REC114: variants seen among roughly 807,000 people sequenced by gnomAD.
REC114 encodes the protein REC114 meiotic recombination protein, also known as meiotic recombination protein REC114.
Under a neutral mutation model 31.3 loss-of-function variants are expected in REC114, and 27 were observed. That is an observed-to-expected ratio of 0.86 (90% CI 0.64 to 1.19). REC114 has a LOEUF of 1.19. Ranked by LOEUF, REC114 falls within the 50% of genes most tolerant of loss-of-function variation. The pLI is 0.00. For missense variants in REC114, 344 were observed against 326.9 expected, an observed-to-expected ratio of 1.05 and a Z score of -0.40; for synonymous variants, 134 against 127.7, an observed-to-expected ratio of 1.05 and a Z score of -0.33.
chr15:73,551,267 A>G lies in REC114; in HGVS notation c.546+117A>G, dbSNP rs1047540199. 3.8e-5 allele frequency: 39 copies of G among 1,027,054 alleles called. No homozygotes were observed. In the East Asian group the frequency reaches 1.0e-3, roughly 27 times the overall value. 63.6% of individuals were successfully genotyped at this position (1,027,054 alleles called of 1,614,324 possible). A position where few individuals can be genotyped will look rare whatever the true frequency, so the allele number is the denominator to read the frequency against. The stretch of plus-strand genomic sequence containing the variant: ...TAGGTTTGTAGTTTAAAAAACATCT[A>G]TGTTCGGTGACTTTTTAAAATTGAG... On this transcript the variant is annotated intron_variant, in intron 4 of 5. Transcript: ENST00000331090.
chr15:73,474,110 G>A lies in REC114; in HGVS notation c.249+189G>A, dbSNP rs1342941019. On this transcript the variant is annotated intron_variant, in intron 2 of 5. Coordinates refer to ENST00000331090, the MANE Select transcript of REC114 (RefSeq NM_001042367.2). ...TACTGAATATTGCCTGCCCTAAAGGGGTTTAGGATTTTGTTGGGAGTCAGA... is the reference window on the plus strand; with the variant it reads ...TACTGAATATTGCCTGCCCTAAAGGAGTTTAGGATTTTGTTGGGAGTCAGA... Among the ~76,000 whole-genome samples, 5 of 152,150 alleles carry A rather than the reference G, an allele frequency of 3.3e-5. No individual in the cohort carries two copies. In the East Asian group the frequency reaches 9.6e-4, roughly 29 times the overall value.
At chr15:73,505,702 T>C (rs1052472496) in intron 2 of REC114, among the ~76,000 whole-genome samples, 2 of 152,144 alleles carry the variant, frequency 1.3e-5, no homozygotes, top group Admixed American at 1.3e-4. Context: ...CGGCTAATTT[T>C]TTGTATGTTT....
intron 2 of REC114, among the ~76,000 whole-genome samples, chr15:73,537,884 C>T (rs1255836063): frequency 6.6e-6 from 1 of 152,096 alleles, no homozygotes; most frequent in African/African-American, 2.4e-5. Flanking sequence ...GTGTATTAGT[C>T]CTCTAGTTCT....
Position 73,550,957 on chromosome 15 carries a change from G to C in REC114, c.353G>C (p.Arg118Pro). Residue 118 changes from arginine to proline, a missense_variant, in exon 4 of 6, where the codon CGA becomes CCA. By Grantham distance (103) the Arg-to-Pro change is moderately radical (BLOSUM62 -2). Coordinates refer to ENST00000331090, the MANE Select transcript of REC114 (RefSeq NM_001042367.2). ...AAACAGGACAAGAGTCGCCTGTTTCGAGTACAGTTCAGTGGAGAGTCAAAG... is the reference window on the plus strand; with the variant it reads ...AAACAGGACAAGAGTCGCCTGTTTCCAGTACAGTTCAGTGGAGAGTCAAAG... ...TTIKDKSRLF[R>P]VQFSGESKEQ... The C allele has an allele frequency of 6.2e-7, 1 of 1,613,804 alleles. No homozygotes were observed. Among genetic ancestry groups the C allele is most frequent in the Non-Finnish European group, 8.5e-7 (1 of 1,179,812 alleles).
chr15:73,547,531 A>G (rs1451823899), intron 3 of REC114, among the ~76,000 whole-genome samples: 2 of 152,200 alleles, frequency 1.3e-5, no homozygotes, highest in East Asian at 3.8e-4. Flanking sequence ...TGATCCAGCA[A>G]TACTACTGCT....
At chr15:73,486,331 C>T (rs1024447987) in intron 2 of REC114, among the ~76,000 whole-genome samples, 11 of 152,066 alleles carry the variant, frequency 7.2e-5, no homozygotes, top group East Asian at 5.8e-4. Context: ...CTCCTGACCG[C>T]GTGATCTGCC....
chr15:73,528,349 C>A (rs954240584), intron 2 of REC114, among the ~76,000 whole-genome samples: 1 of 152,118 alleles, frequency 6.6e-6, no homozygotes, highest in Non-Finnish European at 1.5e-5. Context: ...GAATAAAAAA[C>A]CATTATGTAC....
intron 2 of REC114, among the ~76,000 whole-genome samples, chr15:73,496,288 G>GT (rs1216320777): frequency 6.9e-6 from 1 of 144,414 alleles, no homozygotes; most frequent in African/African-American, 2.6e-5. Context: ...GGAGGCAGAG[G>GT]TTGCAGTGAG....
intron 3 of REC114, among the ~76,000 whole-genome samples, chr15:73,549,678 T>C (rs959572953): frequency 2.0e-5 from 3 of 152,114 alleles, no homozygotes; most frequent in African/African-American, 7.2e-5. Context: ...CCCACAGATA[T>C]ATATGACTCT....
intron 2 of REC114, among the ~76,000 whole-genome samples, chr15:73,481,445 C>T (rs1893292012): frequency 6.6e-6 from 1 of 151,990 alleles, no homozygotes; most frequent in Non-Finnish European, 1.5e-5. Flanking sequence ...GTTCTATTGT[C>T]ATTTATGTCA....
At chr15:73,528,922 A>C (rs1470704259) in intron 2 of REC114, among the ~76,000 whole-genome samples, 4 of 152,134 alleles carry the variant, frequency 2.6e-5, no homozygotes, top group African/African-American at 9.7e-5. Flanking sequence ...AATCAGTAAG[A>C]CTTAAGAGAC....
intron 2 of REC114, among the ~76,000 whole-genome samples, chr15:73,503,996 AAT>A (rs1893637721): frequency 8.0e-6 from 1 of 125,104 alleles, no homozygotes; most frequent in African/African-American, 2.8e-5. Flanking sequence ...CTCCCATAGG[AAT>A]TTTTTTTTTT....
chr15:73,471,642 T>C (rs1425823809), intron 1 of REC114, among the ~76,000 whole-genome samples: 1 of 151,984 alleles, frequency 6.6e-6, no homozygotes, highest in African/African-American at 2.4e-5. Context: ...TTGTTGGCTA[T>C]GATTTGAAAA....
intron 3 of REC114, among the ~76,000 whole-genome samples, chr15:73,549,232 G>A (rs1298553354): frequency 6.6e-6 from 1 of 152,116 alleles, no homozygotes; most frequent in East Asian, 1.9e-4. Flanking sequence ...TGGAACTGGG[G>A]GTCATTACGT....
In REC114 at chr15:73,559,891, A is replaced by G. The variant is rs1231296294; in HGVS notation, c.776A>G (p.Lys259Arg). The change falls in exon 6 of 6, where the codon AAA (lysine) becomes AGA (arginine). Residue 259 changes from lysine (K) to arginine (R), a missense_variant. By Grantham distance (26) the Lys-to-Arg change is conservative. Coordinates refer to ENST00000331090, the MANE Select transcript of REC114 (RefSeq NM_001042367.2). ...GTGGAAGAGGTAGAAAAGGAACTGA[A>G]AAAGCTGGCGGGTTTGAGAAATTAA... ...AFVEEVEKEL[K>R]KLAGLRN is the part of the protein sequence containing the mutation. 1.9e-6 allele frequency: 3 copies of G among 1,612,050 alleles called. No individual in the cohort carries two copies. In the South Asian group the frequency reaches 3.3e-5, roughly 18 times the overall value.
chr15:73,492,177 C>A (rs1375999444), intron 2 of REC114, among the ~76,000 whole-genome samples: 1 of 152,166 alleles, frequency 6.6e-6, no homozygotes, highest in Non-Finnish European at 1.5e-5. Flanking sequence ...CTACTACACA[C>A]CCCACTCCGC....
intron 1 of REC114, among the ~76,000 whole-genome samples, chr15:73,443,912 T>C (rs1358642381): frequency 1.3e-5 from 2 of 152,200 alleles, no homozygotes; most frequent in African/African-American, 4.8e-5. Context: ...CTCAGAAATA[T>C]TGGGATTCGG....
At position 73,480,350 on chromosome 15, in the gene REC114, T is replaced by A. The variant is rs1048129748; in HGVS notation, c.249+6429T>A. Among the ~76,000 whole-genome samples, 32 of 151,584 alleles carry A rather than the reference T, an allele frequency of 2.1e-4. 1 individual carries two copies. Among genetic ancestry groups the A allele is most frequent in the Non-Finnish European group, 4.0e-4 (27 of 67,878 alleles). ...TAAATAAATTATTTAAATAAACAAA[T>A]TTATTTAAAATTTTTAAATTTTATA... On this transcript the variant is annotated intron_variant, in intron 2 of 5. Coordinates refer to ENST00000331090, the MANE Select transcript of REC114 (RefSeq NM_001042367.2).
At chr15:73,471,465 A>G (rs1893131398) in intron 1 of REC114, among the ~76,000 whole-genome samples, 2 of 152,220 alleles carry the variant, frequency 1.3e-5, no homozygotes, top group Non-Finnish European at 2.9e-5. Flanking sequence ...ACAGCCTAGC[A>G]CAGGGTAGGT....
Sources: gnomAD v4.1 joint callset for allele counts (sites outside exome capture counted in the v4.1 genomes callset) on GRCh38, gnomAD v4.1.1 for gene constraint, MANE v1.5 for transcripts, NCBI Gene and HGNC (gene_info 2026-07-23, HGNC 2026-07-21) for gene names.